C19orf25: variants seen among roughly 807,000 people sequenced by gnomAD.
The protein encoded by C19orf25 is UPF0449 protein C19orf25.
C19orf25 carries 1 observed loss-of-function variant against 3.1 expected under a neutral mutation model. That is an observed-to-expected ratio of 0.32 (90% CI 0.12 to 1.54). The LOEUF is 1.54. Ranked by LOEUF, C19orf25 falls within the 40% of genes most tolerant of loss-of-function variation. The probability of loss-of-function intolerance (pLI) is 0.38; values close to 1 mark genes in which losing one functional copy is unlikely to be tolerated. For missense variants in C19orf25, 196 were observed against 160.4 expected, an observed-to-expected ratio of 1.22 and a Z score of -1.20; for synonymous variants, 91 against 74.3, an observed-to-expected ratio of 1.23 and a Z score of -1.16.
Position 1,474,911 on chromosome 19 carries a change from C to G in C19orf25, c.*121G>C. 6.6e-7 allele frequency: 1 copy of G among 1,523,014 alleles called. No individual in the cohort carries two copies. The highest frequency in any genetic ancestry group is 8.8e-7 in the Non-Finnish European group (1 of 1,137,068). 94.3% of individuals were successfully genotyped at this position (1,523,014 alleles called of 1,614,324 possible). On this transcript the variant is annotated 3_prime_UTR_variant, in exon 3 of 3. Coordinates refer to ENST00000585675, the MANE Select transcript of C19orf25 (RefSeq NM_152482.3). The stretch of plus-strand genomic sequence containing the variant: ...GCAGCCCCAGCATCAGGAGGGGCGC[C>G]TGTGTCAACACCCACGTGGGCTGGG...
rs1757086960 is a variant in C19orf25 at position 1,474,187 on chromosome 19, T to C, written c.*845A>G. ...CAGACGGCCAGACACACACGAAAGC[T>C]TTATGTGCAGGGCCCAGCCTCTGGG... On this transcript the variant is annotated 3_prime_UTR_variant, in exon 3 of 3. Transcript: ENST00000585675. The C allele has an allele frequency of 6.6e-6, 1 of 152,114 alleles. No homozygotes were observed. The highest frequency in any genetic ancestry group is 2.4e-5 in the African/African-American group (1 of 41,414). The allele number at this position is 152,114 out of a possible 1,614,324, so 9.4% of individuals were successfully genotyped here.
chr19:1,475,557 C>T (rs1205047224), intron 2 of C19orf25: 29 of 373,670 alleles, frequency 7.8e-5, no homozygotes, highest in Non-Finnish European at 2.5e-5. Context: ...GGCGTGGTAG[C>T]ACGCATCTGT....
In C19orf25 at chr19:1,474,671, C is replaced by T; in HGVS notation, c.*361G>A. 1 of 752,870 alleles carries T rather than the reference C, an allele frequency of 1.3e-6. No homozygotes were observed. Among genetic ancestry groups the T allele is most frequent in the Non-Finnish European group, 2.0e-6 (1 of 491,992 alleles). The allele number at this position is 752,870 out of a possible 1,614,324, so 46.6% of individuals were successfully genotyped here. On this transcript the variant is annotated 3_prime_UTR_variant, in exon 3 of 3. Coordinates refer to ENST00000585675, the MANE Select transcript of C19orf25 (RefSeq NM_152482.3). ...CCCAACACCTGGACTCAGAAGTGGA[C>T]AGGCGAGTGCCTGCCCCGGGAGAGG...
chr19:1,475,302 T>A, intron 2 of C19orf25, 44 bp from the exon 3 acceptor site: 5 of 1,504,140 alleles, frequency 3.3e-6, no homozygotes, highest in Non-Finnish European at 3.6e-6. Context: ...GACCACCCCA[T>A]CCTCCTGGGC....
rs1401560706 is a variant in C19orf25, at chr19:1,473,772, A to T, written c.*1260T>A. 6.6e-6 allele frequency: 1 copy of T among 152,412 alleles called. No individual in the cohort carries two copies. The highest frequency in any genetic ancestry group is 1.5e-5 in the Non-Finnish European group (1 of 68,188). 9.4% of individuals were successfully genotyped at this position (152,412 alleles called of 1,614,324 possible). Reference sequence around the variant, plus strand: ...GCACAGAAGTGCAGGGTGGGAAGGGATGGCAGGAGCCGGCCCCCTCCCCAC... The same window carrying T: ...GCACAGAAGTGCAGGGTGGGAAGGGTTGGCAGGAGCCGGCCCCCTCCCCAC... On this transcript the variant is annotated 3_prime_UTR_variant, in exon 3 of 3. Transcript: ENST00000585675.
Position 1,476,345 on chromosome 19 carries a change from C to A in C19orf25, c.131-1087G>T, listed in dbSNP as rs1196954826. 1.3e-5 allele frequency: 5 copies of A among 398,876 alleles called. No individual in the cohort carries two copies. In the East Asian group the frequency reaches 1.8e-4, roughly 14 times the overall value. 24.7% of individuals were successfully genotyped at this position (398,876 alleles called of 1,614,324 possible). The stretch of plus-strand genomic sequence containing the variant: ...GCCGGGCAGTGCCTGGATGAAGGCA[C>A]AGGAGGCCCCCTACCTTCTGTGAGC... On this transcript the variant is annotated intron_variant, in intron 2 of 2. Transcript: ENST00000585675.
intron 2 of C19orf25, chr19:1,478,423 GTTTTT>G: frequency 2.1e-6 from 1 of 481,902 alleles, no homozygotes; most frequent in Non-Finnish European, 3.3e-6. Flanking sequence ...TTTTGTTTTT[GTTTTT>G]GTTTTTGTTT....
intron 2 of C19orf25, chr19:1,476,251 C>T (rs527475332): frequency 1.8e-5 from 7 of 398,764 alleles, no homozygotes; most frequent in Admixed American, 8.8e-5. Flanking sequence ...GAAGGCTCCA[C>T]GTGCCGCACG....
chr19:1,477,965 G>A (rs2084222757), intron 2 of C19orf25, among the ~76,000 whole-genome samples: 1 of 152,030 alleles, frequency 6.6e-6, no homozygotes, highest in Non-Finnish European at 1.5e-5. Flanking sequence ...TCAGTCTCCT[G>A]AGTGGCTGGG....
At position 1,478,838 on chromosome 19, in the gene C19orf25, C is replaced by T; in HGVS notation, c.66G>A (p.Gln22=). The T allele has an allele frequency of 6.3e-7, 1 of 1,597,042 alleles. No homozygotes were observed. Among genetic ancestry groups the T allele is most frequent in the Non-Finnish European group, 8.5e-7 (1 of 1,173,076 alleles). Residue 22 remains glutamine (Q), a synonymous_variant, in exon 2 of 3, where the codon CAG becomes CAA. Transcript: ENST00000585675. The stretch of plus-strand genomic sequence containing the variant: ...GCGCACCCCGCACATCCTCCAGGAT[C>T]TGCTCCACCGTGGGGGGCGCTGGGC... ...PTRPAPPTVE[Q]ILEDVRGAPA... is the part of the protein sequence containing the mutation.
At position 1,475,029 on chromosome 19, in the gene C19orf25, A is replaced by G. The variant is rs781771159; in HGVS notation, c.*3T>C. The G allele has an allele frequency of 1.9e-6, 3 of 1,582,082 alleles. No individual in the cohort carries two copies. Among genetic ancestry groups the G allele is most frequent in the Non-Finnish European group, 2.6e-6 (3 of 1,167,266 alleles). ...GCTGCCCAAGCCTGCAGGCCCCGAG[A>G]GGTCAGCCTGAGGAGGCAGCCTCGG... On this transcript the variant is annotated 3_prime_UTR_variant, in exon 3 of 3. Transcript: ENST00000585675.
At chr19:1,479,123 A>G in intron 1 of C19orf25, 40 bp downstream of exon 1, 2 of 1,312,072 alleles carry the variant, frequency 1.5e-6, no homozygotes, top group Admixed American at 4.1e-5. Context: ...CCTCTGCCTC[A>G]GTTTCCCCGC....
chr19:1,476,277 A>C, intron 2 of C19orf25: 1 of 398,600 alleles, frequency 2.5e-6, no homozygotes, highest in South Asian at 1.3e-4. Flanking sequence ...GGGCTGATCA[A>C]ATCACCTCTG....
At chr19:1,478,250 T>G (rs2145291590) in intron 2 of C19orf25, among the ~76,000 whole-genome samples, 1 of 151,872 alleles carries the variant, frequency 6.6e-6, no homozygotes, top group East Asian at 1.9e-4. Flanking sequence ...CAGTAATTTT[T>G]TTTTTTTTTT....
chr19:1,474,623 G>T lies in C19orf25; in HGVS notation c.*409C>A. 1 of 510,610 alleles carries T rather than the reference G, an allele frequency of 2.0e-6. No individual in the cohort carries two copies. The highest frequency in any genetic ancestry group is 3.3e-6 in the Non-Finnish European group (1 of 303,282). 31.6% of individuals were successfully genotyped at this position (510,610 alleles called of 1,614,324 possible). ...GACATTGGGTGGGCACTCGCTGGAT[G>T]GAATCACAGTTAACACCTCGATCCC... On this transcript the variant is annotated 3_prime_UTR_variant, in exon 3 of 3. Transcript: ENST00000585675.
Position 1,474,806 on chromosome 19 carries a change from G to A in C19orf25, c.*226C>T, listed in dbSNP as rs2084185794. 2 of 1,440,726 alleles carry A rather than the reference G, an allele frequency of 1.4e-6. No homozygotes were observed. Among genetic ancestry groups the A allele is most frequent in the Non-Finnish European group, 9.1e-7 (1 of 1,099,572 alleles). The allele number at this position is 1,440,726 out of a possible 1,614,324, so 89.2% of individuals were successfully genotyped here. On this transcript the variant is annotated 3_prime_UTR_variant, in exon 3 of 3. Coordinates refer to ENST00000585675, the MANE Select transcript of C19orf25 (RefSeq NM_152482.3). ...GTCCCTATCCTCTTCCAGAACCCCA[G>A]TGGGGCCCTCAGGTCACGCAGGACG...
chr19:1,477,397 G>A (rs746379538), intron 2 of C19orf25, among the ~76,000 whole-genome samples: 9 of 152,218 alleles, frequency 5.9e-5, no homozygotes, highest in South Asian at 2.1e-4. Context: ...TGCTCTAAGC[G>A]CAGAGCCCAG....
intron 2 of C19orf25, chr19:1,476,106 A>G (rs2084202845): frequency 2.5e-6 from 1 of 398,462 alleles, no homozygotes; most frequent in Middle Eastern, 6.3e-4. Flanking sequence ...GAAACTACGT[A>G]TGGCTCCCTG....
Position 1,475,267 on chromosome 19 carries a change from G to A in C19orf25, c.131-9C>T. 3 of 1,537,272 alleles carry A rather than the reference G, an allele frequency of 2.0e-6. No homozygotes were observed. The highest frequency in any genetic ancestry group is 2.6e-6 in the Non-Finnish European group (3 of 1,136,740). The stretch of plus-strand genomic sequence containing the variant: ...GAAGGGAACTGGGGGGTCTGAGACA[G>A]GACACAGCAGCATCACTGCCTGCTG... On this transcript the variant is annotated splice_polypyrimidine_tract_variant and intron_variant, in intron 2 of 2. Transcript: ENST00000585675.
Sources: allele counts gnomAD v4.1 joint callset (sites outside exome capture counted in the v4.1 genomes callset), GRCh38; gene constraint gnomAD v4.1.1; transcripts MANE v1.5; gene names NCBI Gene and HGNC (gene_info 2026-07-23, HGNC 2026-07-21).